Variants in RYK observed in about 807,000 individuals in gnomAD.
The protein encoded by RYK is receptor like tyrosine kinase.
Under a neutral mutation model 70.2 loss-of-function variants are expected in RYK, and 21 were observed. The observed-to-expected ratio is 0.30, with a 90% CI of 0.21 to 0.43. The LOEUF is 0.43. Ranked by LOEUF, RYK falls within the 20% of genes least tolerant of loss-of-function variation. The pLI is 1.00. For synonymous variants in RYK, 267 were observed against 278.0 expected, an observed-to-expected ratio of 0.96 and a Z score of 0.39; for missense variants, 604 against 753.3, an observed-to-expected ratio of 0.80 and a Z score of 2.32.
chr3:134,182,009 G>GA (rs1334830474), intron 10 of RYK, among the ~76,000 whole-genome samples: 1 of 151,998 alleles, frequency 6.6e-6, no homozygotes, highest in East Asian at 1.9e-4. Context: ...ACTAAAAATA[G>GA]AAAAAATTAG....
At chr3:134,180,034 A>G (rs2013241435) in intron 10 of RYK, 1 of 152,186 alleles carries the variant, frequency 6.6e-6, no homozygotes, top group African/African-American at 2.4e-5. Context: ...AGAGTGAATG[A>G]AAGCAGGAGA....
chr3:134,193,347 C>T (rs2013709810), intron 7 of RYK, among the ~76,000 whole-genome samples: 1 of 152,092 alleles, frequency 6.6e-6, no homozygotes, highest in African/African-American at 2.4e-5. Flanking sequence ...CCACACCCAG[C>T]TAATTTTTTG....
At chr3:134,214,261 A>G (rs1188622484) in intron 2 of RYK, among the ~76,000 whole-genome samples, 1 of 152,092 alleles carries the variant, frequency 6.6e-6, no homozygotes, top group Non-Finnish European at 1.5e-5. Flanking sequence ...TTACTTCACT[A>G]CCAAAACAAA....
chr3:134,215,980 G>C (rs1438417074), intron 2 of RYK, among the ~76,000 whole-genome samples: 1 of 147,624 alleles, frequency 6.8e-6, no homozygotes, highest in Non-Finnish European at 1.5e-5. Context: ...AGGATGTAGT[G>C]AGCCAAGATC....
chr3:134,189,487 C>T (rs1232586668), intron 8 of RYK, among the ~76,000 whole-genome samples: 3 of 152,032 alleles, frequency 2.0e-5, no homozygotes, highest in Admixed American at 6.5e-5. Flanking sequence ...GAAGAGGCTG[C>T]GCGCGGCTCA....
At position 134,158,497 on chromosome 3, in the gene RYK, A is replaced by T. The variant is rs115160346; in HGVS notation, c.1713-233T>A. The stretch of plus-strand genomic sequence containing the variant: ...TGACAACATATCAAAATATTTCAGC[A>T]AATACAGAGATTTCATGTAAAAACC... On this transcript the variant is annotated intron_variant, in intron 14 of 14. Coordinates refer to ENST00000623711, the MANE Select transcript of RYK (RefSeq NM_002958.4). Among the ~76,000 whole-genome samples, 508 of 152,376 alleles carry T rather than the reference A, an allele frequency of 3.3e-3. 4 individuals are homozygous for T. Among genetic ancestry groups the T allele is most frequent in the African/African-American group, 0.012 (492 of 41,582 alleles).
chr3:134,234,926 A>G (rs1361186989), intron 1 of RYK, among the ~76,000 whole-genome samples: 1 of 152,160 alleles, frequency 6.6e-6, no homozygotes, highest in East Asian at 1.9e-4. Flanking sequence ...TCTATGACTG[A>G]TATTAGCATA....
At chr3:134,220,410 T>A (rs766667929) in intron 2 of RYK, among the ~76,000 whole-genome samples, 12 of 152,006 alleles carry the variant, frequency 7.9e-5, no homozygotes, top group Non-Finnish European at 1.5e-4. Flanking sequence ...AAATACTCAC[T>A]GACGTATGGG....
chr3:134,171,403 C>T (rs143682031), intron 13 of RYK, among the ~76,000 whole-genome samples: 63 of 152,306 alleles, frequency 4.1e-4, no homozygotes, highest in African/African-American at 1.5e-3. Flanking sequence ...GAGCATCTTG[C>T]TTGGAGATTT....
intron 4 of RYK, 75 bp from the exon 5 acceptor site, chr3:134,207,600 G>C: frequency 1.0e-6 from 1 of 967,086 alleles, no homozygotes; most frequent in Non-Finnish European, 1.6e-6. Context: ...ATAATTATCA[G>C]AACATTGCTG....
intron 1 of RYK, among the ~76,000 whole-genome samples, chr3:134,229,819 C>G (rs960873360): frequency 6.6e-6 from 1 of 152,008 alleles, no homozygotes; most frequent in Non-Finnish European, 1.5e-5. Context: ...GCTAAACATC[C>G]TTAGTCATCA....
chr3:134,187,752 G>A (rs1197677349), intron 9 of RYK, among the ~76,000 whole-genome samples: 1 of 150,198 alleles, frequency 6.7e-6, no homozygotes, highest in South Asian at 2.1e-4. Flanking sequence ...GAGACGGGGG[G>A]TCTTGCTATA....
At chr3:134,177,611 C>T (rs1188898454) in intron 11 of RYK, among the ~76,000 whole-genome samples, 1 of 152,190 alleles carries the variant, frequency 6.6e-6, no homozygotes, top group Non-Finnish European at 1.5e-5. Flanking sequence ...AAGTCTGTTT[C>T]CATTCCTAAG....
chr3:134,205,581 G>A (rs2014190344), intron 5 of RYK, among the ~76,000 whole-genome samples: 1 of 152,116 alleles, frequency 6.6e-6, no homozygotes, highest in Non-Finnish European at 1.5e-5. Flanking sequence ...CGGCTCTGCT[G>A]GGCAGATCCC....
In RYK at chr3:134,250,730, C is replaced by G. The variant is rs1576543299; in HGVS notation, c.-76G>C. 1.3e-6 allele frequency: 1 copy of G among 749,488 alleles called. No homozygotes were observed. The highest frequency in any genetic ancestry group is 6.4e-5 in the Admixed American group (1 of 15,690). The allele number at this position is 749,488 out of a possible 1,614,324, so 46.4% of individuals were successfully genotyped here. ...CGCCCACCCCCGGCCCCGAGCCGCT[C>G]ACAGCCCCGAGCCGGGGGCGGCTGC... On this transcript the variant is annotated 5_prime_UTR_variant, in exon 1 of 15. It removes the in-frame stop codon of an upstream open reading frame in the 5' UTR. Transcript: ENST00000623711.
intron 6 of RYK, among the ~76,000 whole-genome samples, chr3:134,197,673 G>C (rs2013858112): frequency 6.6e-6 from 1 of 152,114 alleles, no homozygotes; most frequent in Admixed American, 6.6e-5. Context: ...AATGGGGAGG[G>C]AAGAGGAGCA....
At chr3:134,212,469 T>C (rs2014431848) in intron 2 of RYK, among the ~76,000 whole-genome samples, 1 of 152,176 alleles carries the variant, frequency 6.6e-6, no homozygotes, top group Non-Finnish European at 1.5e-5. Context: ...TATCCCTCTC[T>C]CATTCAGTGG....
At chr3:134,180,394 G>A (rs1280803235) in intron 10 of RYK, 3 of 152,112 alleles carry the variant, frequency 2.0e-5, no homozygotes, top group South Asian at 2.1e-4. Flanking sequence ...ACTTCAATAC[G>A]CGTACAATCC....
chr3:134,240,958 G>A (rs970239334), intron 1 of RYK, among the ~76,000 whole-genome samples: 3 of 152,200 alleles, frequency 2.0e-5, no homozygotes, highest in Non-Finnish European at 2.9e-5. Flanking sequence ...ATTGCTGTAA[G>A]CAAATAATAA....
Sources: allele counts gnomAD v4.1 joint callset (sites outside exome capture counted in the v4.1 genomes callset), GRCh38; gene constraint gnomAD v4.1.1; transcripts MANE v1.5; gene names NCBI Gene and HGNC (gene_info 2026-07-23, HGNC 2026-07-21).